The following TRPM6 variants were observed in gnomAD, a reference collection of about 807,000 sequenced individuals.
The protein encoded by TRPM6 is channel kinase 2.
A neutral mutation model predicts 247.6 loss-of-function variants in TRPM6; 111 were observed. The observed-to-expected ratio is 0.45, with a 90% CI of 0.38 to 0.52. The LOEUF is 0.52. TRPM6 is among the 20% of genes least tolerant of loss of function. The probability of loss-of-function intolerance (pLI) is 0.00; values close to 1 mark genes in which losing one functional copy is unlikely to be tolerated. For synonymous variants in TRPM6, 892 were observed against 853.8 expected (o/e 1.04, Z -0.78); for missense variants, 2,126 against 2,421.5 (o/e 0.88, Z 2.56).
At chr9:74,801,768 A>T in intron 16 of TRPM6, 130 bp downstream of exon 16, 1 of 1,155,596 alleles carries the variant, frequency 8.7e-7, no homozygotes, top group Non-Finnish European at 1.3e-6. Context: ...GACCCTTTTA[A>T]CAGGAGAGTC....
intron 30 of TRPM6, among the ~76,000 whole-genome samples, chr9:74,749,386 A>G (rs1826162809): frequency 6.6e-6 from 1 of 152,214 alleles, no homozygotes; most frequent in African/African-American, 2.4e-5. Flanking sequence ...TCCTAAGCTA[A>G]TTGAAAAGCA....
At position 74,803,854 on chromosome 9, in the gene TRPM6, C is replaced by T. The variant is rs371244335; in HGVS notation, c.1671G>A (p.Glu557=). 6.2e-7 allele frequency: 1 copy of T among 1,613,678 alleles called. No homozygotes were observed. The highest frequency in any genetic ancestry group is 8.5e-7 in the Non-Finnish European group (1 of 1,179,654). The change falls in exon 15 of 39, where the codon GAG becomes GAA. Residue 557 remains glutamate, a synonymous_variant. Coordinates refer to ENST00000360774, the MANE Select transcript of TRPM6 (RefSeq NM_017662.5). ...GGGAGTGCAGCGTACTTTCTGCAGA[C>T]TCATTTCTATTTCCTGAGGAGTGTC... ...HQRHSSGNRN[E]SAESTLHSQF...
chr9:74,887,467 C>G, intron 1 of TRPM6: 2 of 1,009,102 alleles, frequency 2.0e-6, no homozygotes, highest in Non-Finnish European at 2.7e-6. Flanking sequence ...CCCTCCGGCC[C>G]GGAGCGGAAT....
intron 11 of TRPM6, among the ~76,000 whole-genome samples, chr9:74,814,039 A>G (rs533698912): frequency 1.3e-5 from 2 of 152,270 alleles, no homozygotes; most frequent in South Asian, 2.1e-4. Context: ...GGACATTGCA[A>G]TAAGCCAAGA....
chr9:74,769,574 C>T (rs1368569593), intron 25 of TRPM6, among the ~76,000 whole-genome samples: 3 of 151,940 alleles, frequency 2.0e-5, no homozygotes, highest in African/African-American at 4.8e-5. Flanking sequence ...CTGGCTAACA[C>T]GGTGAAACCC....
chr9:74,764,635 T>C (rs1173233349), intron 25 of TRPM6, among the ~76,000 whole-genome samples: 1 of 152,232 alleles, frequency 6.6e-6, no homozygotes, highest in East Asian at 1.9e-4. Flanking sequence ...GGTATTTTGC[T>C]GCAGCAGCCT....
At chr9:74,801,752 C>T in intron 16 of TRPM6, 146 bp downstream of exon 16, 1 of 999,274 alleles carries the variant, frequency 1.0e-6, no homozygotes, top group Admixed American at 2.0e-5. Context: ...CCTTAGAATA[C>T]CTGAAGACCC....
chr9:74,860,613 C>T lies in TRPM6; in HGVS notation c.34-1865G>A, dbSNP rs1406507705. 2.0e-5 allele frequency among the ~76,000 whole-genome samples: 3 copies of T among 152,242 alleles called. No homozygotes were observed. In the East Asian group the frequency reaches 5.8e-4, roughly 29 times the overall value. On this transcript the variant is annotated intron_variant, in intron 1 of 38. Transcript: ENST00000360774. ...AACTCAAGTTGTCTGCTTGCCTTGGCCTCCCAAAGTGCTGGGATAACAGGC... is the reference window on the plus strand; with the variant it reads ...AACTCAAGTTGTCTGCTTGCCTTGGTCTCCCAAAGTGCTGGGATAACAGGC...
At position 74,797,396 on chromosome 9, in the gene TRPM6, G is replaced by A. The variant is rs569645625; in HGVS notation, c.2239-503C>T. Among the ~76,000 whole-genome samples, 6 of 152,152 alleles carry A rather than the reference G, an allele frequency of 3.9e-5. 1 individual carries two copies. The South Asian group carries it at 1.2e-3, about 32-fold the overall frequency. ...GCTGCTCAAGTCCCTGACATCAAAT[G>A]GTGTTGTATTTCCATATAACCTATG... On this transcript the variant is annotated intron_variant, in intron 17 of 38. Transcript: ENST00000360774.
intron 7 of TRPM6, among the ~76,000 whole-genome samples, chr9:74,826,026 G>A (rs1051115316): frequency 6.6e-6 from 1 of 151,640 alleles, no homozygotes; most frequent in Non-Finnish European, 1.5e-5. Context: ...TTAAGTGAAC[G>A]ACCACAATTC....
At chr9:74,804,474 A>G (rs1828461832) in intron 14 of TRPM6, 3 of 653,378 alleles carry the variant, frequency 4.6e-6, no homozygotes, top group Admixed American at 2.3e-5. Flanking sequence ...AAAAACCATA[A>G]GCTTGCCTGA....
chr9:74,772,541 A>G (rs2118885717), intron 24 of TRPM6, among the ~76,000 whole-genome samples: 2 of 152,352 alleles, frequency 1.3e-5, no homozygotes, highest in African/African-American at 4.8e-5. Context: ...TGATAATTTG[A>G]TACATTCATA....
chr9:74,879,390 A>G (rs934780473), intron 1 of TRPM6, among the ~76,000 whole-genome samples: 1 of 151,770 alleles, frequency 6.6e-6, no homozygotes, highest in Non-Finnish European at 1.5e-5. Context: ...GGAACCATGG[A>G]TATATATAGG....
intron 11 of TRPM6, among the ~76,000 whole-genome samples, chr9:74,815,154 A>G (rs753947036): frequency 6.6e-6 from 1 of 152,152 alleles, no homozygotes; most frequent in Non-Finnish European, 1.5e-5. Flanking sequence ...AATGGAATGC[A>G]ATGAAAACAT....
chr9:74,800,794 T>C (rs1395207675), intron 16 of TRPM6, among the ~76,000 whole-genome samples: 2 of 151,812 alleles, frequency 1.3e-5, no homozygotes, highest in Non-Finnish European at 2.9e-5. Flanking sequence ...GAGCTATTCA[T>C]AGGGAGTAGC....
intron 8 of TRPM6, 82 bp from the exon 9 acceptor site, chr9:74,820,509 G>T: frequency 6.5e-7 from 1 of 1,546,526 alleles, no homozygotes; most frequent in Non-Finnish European, 8.9e-7. Context: ...CACCCCATCA[G>T]CTCCCCAGAC....
At chr9:74,737,252 C>T (rs957709579) in intron 36 of TRPM6, 39 of 500,878 alleles carry the variant, frequency 7.8e-5, no homozygotes, top group Non-Finnish European at 9.0e-5. Flanking sequence ...GACAGAAGCA[C>T]CTATATGTCA....
chr9:74,724,524 A>T lies in TRPM6; in HGVS notation c.*89T>A. 6.3e-7 allele frequency: 1 copy of T among 1,577,760 alleles called. No individual in the cohort carries two copies. Among genetic ancestry groups the T allele is most frequent in the Non-Finnish European group, 8.7e-7 (1 of 1,148,380 alleles). On this transcript the variant is annotated 3_prime_UTR_variant, in exon 39 of 39. Transcript: ENST00000360774. Reference sequence around the variant, plus strand: ...GAAGGCGTGTCCCAAGGAGACGCTGATGTAATCAACATCACGTTGATCAAT... The same window carrying T: ...GAAGGCGTGTCCCAAGGAGACGCTGTTGTAATCAACATCACGTTGATCAAT...
intron 30 of TRPM6, among the ~76,000 whole-genome samples, chr9:74,749,290 C>A (rs1826159207): frequency 6.6e-6 from 1 of 152,080 alleles, no homozygotes. Context: ...CCTATAGTAT[C>A]AATAAAGAAG....
Sources: allele counts gnomAD v4.1 joint callset (sites outside exome capture counted in the v4.1 genomes callset), GRCh38; gene constraint gnomAD v4.1.1; transcripts MANE v1.5; gene names NCBI Gene and HGNC (gene_info 2026-07-23, HGNC 2026-07-21).